The following RSPRY1 variants were observed in gnomAD, a reference collection of about 807,000 sequenced individuals.
RSPRY1 encodes the protein RING finger and SPRY domain-containing protein 1.
In RSPRY1, 23 loss-of-function variants were observed where a neutral mutation model predicts 73.1. The ratio of observed to expected loss-of-function variants is 0.31; its 90% CI spans 0.23 to 0.45. The LOEUF (loss-of-function observed/expected upper bound fraction) is 0.45, where lower values mean the gene tolerates loss of function less well. Among genes scored for constraint, RSPRY1 ranks in the 20% least tolerant of loss-of-function variants. The probability of loss-of-function intolerance (pLI) is 1.00; values close to 1 mark genes in which losing one functional copy is unlikely to be tolerated. For synonymous variants in RSPRY1, 226 were observed against 251.4 expected, an observed-to-expected ratio of 0.90 and a Z score of 0.95; for missense variants, 448 against 698.7, an observed-to-expected ratio of 0.64 and a Z score of 4.05.
chr16:57,216,761 G>C, intron 7 of RSPRY1, 143 bp from the exon 8 acceptor site: 1 of 774,706 alleles, frequency 1.3e-6, no homozygotes, highest in Non-Finnish European at 2.1e-6. Context: ...CTTTGGCTAT[G>C]TTTTCCCTAG....
At chr16:57,224,688 C>G (rs1315344996) in intron 10 of RSPRY1, among the ~76,000 whole-genome samples, 5 of 152,238 alleles carry the variant, frequency 3.3e-5, no homozygotes, top group African/African-American at 1.2e-4. Context: ...AAGTGCATCT[C>G]TGCTAGGCAG....
intron 1 of RSPRY1, chr16:57,186,872 A>T (rs1344003671): frequency 6.6e-6 from 1 of 152,300 alleles, no homozygotes; most frequent in Non-Finnish European, 1.5e-5. Flanking sequence ...TAGAAAGGGT[A>T]GATGAAGGGA....
intron 10 of RSPRY1, among the ~76,000 whole-genome samples, chr16:57,223,380 CT>C (rs1424841774): frequency 7.2e-5 from 11 of 152,214 alleles, no homozygotes; most frequent in African/African-American, 2.7e-4. Flanking sequence ...AAGGATAGTT[CT>C]GTTCAGGTAA....
chr16:57,206,570 T>C (rs2074729479), intron 2 of RSPRY1, among the ~76,000 whole-genome samples: 2 of 152,164 alleles, frequency 1.3e-5, no homozygotes, highest in African/African-American at 4.8e-5. Context: ...TTGTTTTGTT[T>C]TGTTTTTAAA....
chr16:57,195,500 G>A (rs2074424741), intron 1 of RSPRY1, among the ~76,000 whole-genome samples: 1 of 152,022 alleles, frequency 6.6e-6, no homozygotes, highest in Non-Finnish European at 1.5e-5. Flanking sequence ...CAATGAGAGT[G>A]GAACTCCGTC....
intron 10 of RSPRY1, among the ~76,000 whole-genome samples, chr16:57,226,432 A>G (rs1432273258): frequency 6.6e-6 from 1 of 152,190 alleles, no homozygotes; most frequent in Non-Finnish European, 1.5e-5. Context: ...AACTGAGTAT[A>G]CTTAGTTATT....
chr16:57,201,918 A>G (rs2074621322), intron 1 of RSPRY1, among the ~76,000 whole-genome samples: 2 of 152,314 alleles, frequency 1.3e-5, no homozygotes, highest in South Asian at 4.1e-4. Context: ...AGTACAGTCC[A>G]GCTTTGGCTT....
intron 11 of RSPRY1, among the ~76,000 whole-genome samples, chr16:57,228,972 A>G (rs2075164642): frequency 6.6e-6 from 1 of 152,246 alleles, no homozygotes; most frequent in Non-Finnish European, 1.5e-5. Context: ...TTGGGATTAC[A>G]GGCCTGAGCC....
chr16:57,228,272 C>CAAAAAAAAAAAAAAAAAAAAAAAAAA (rs34368338), intron 11 of RSPRY1, among the ~76,000 whole-genome samples: 2 of 72,092 alleles, frequency 2.8e-5, no homozygotes, highest in African/African-American at 5.3e-5. Flanking sequence ...GACTCCATCT[C>CAAAAAAAAAAAAAAAAAAAAAAAAAA]AAAAAAAAAA....
chr16:57,200,529 G>C (rs1194767172), intron 1 of RSPRY1, among the ~76,000 whole-genome samples: 4 of 141,956 alleles, frequency 2.8e-5, no homozygotes, highest in Middle Eastern at 4.1e-3. Flanking sequence ...CTGGCCGGGC[G>C]GGGGGCTGAC....
chr16:57,206,857 G>A (rs1471089765), intron 2 of RSPRY1, among the ~76,000 whole-genome samples: 19 of 152,160 alleles, frequency 1.2e-4, no homozygotes, highest in African/African-American at 4.6e-4. Flanking sequence ...GAGCCCCCAC[G>A]CTTGGCCCCT....
intron 14 of RSPRY1, among the ~76,000 whole-genome samples, chr16:57,235,766 T>C (rs1034346303): frequency 6.6e-5 from 10 of 152,178 alleles, no homozygotes; most frequent in African/African-American, 2.4e-4. Context: ...TGAGCAACAC[T>C]CAAGTTGATG....
At chr16:57,232,541 C>T (rs903907730) in intron 13 of RSPRY1, among the ~76,000 whole-genome samples, 19 of 152,200 alleles carry the variant, frequency 1.2e-4, no homozygotes, top group African/African-American at 4.1e-4. Context: ...TATCATACCC[C>T]GTTCTTTTTC....
rs764675550 is a variant in RSPRY1 at position 57,204,697 on chromosome 16, A to T, written c.39A>T (p.Arg13Ser). 6.2e-7 allele frequency: 1 copy of T among 1,614,192 alleles called. No individual in the cohort carries two copies. The highest frequency in any genetic ancestry group is 1.7e-5 in the Admixed American group (1 of 60,024). Reference protein sequence around the residue: ...VFGWAVFLASRSLGQGLLLTL... With the variant: ...VFGWAVFLASSSLGQGLLLTL... ...GTTGGGCCGTGTTCTTAGCGAGCAG[A>T]AGCCTTGGCCAGGGTCTGTTGTTGA... The change falls in exon 2 of 15, where the codon AGA becomes AGT. Residue 13 changes from arginine to serine, a missense_variant. Arg to Ser is a moderately radical substitution (Grantham distance 110). Transcript: ENST00000394420.
chr16:57,219,333 T>A (rs1414269591), intron 8 of RSPRY1, among the ~76,000 whole-genome samples: 2 of 152,206 alleles, frequency 1.3e-5, no homozygotes, highest in Non-Finnish European at 2.9e-5. Flanking sequence ...TTGTTGCCTG[T>A]TTTTTAGATA....
intron 1 of RSPRY1, among the ~76,000 whole-genome samples, chr16:57,201,446 C>T (rs1485656835): frequency 3.3e-5 from 5 of 150,066 alleles, no homozygotes; most frequent in Admixed American, 1.3e-4. Flanking sequence ...GGATGGCGGC[C>T]GGGCAGAGAC....
intron 1 of RSPRY1, among the ~76,000 whole-genome samples, chr16:57,189,593 C>CTTTTTTTTTT (rs544146883): frequency 6.4e-5 from 8 of 124,064 alleles, no homozygotes; most frequent in East Asian, 2.3e-4. Context: ...CTTTTCTTTT[C>CTTTTTTTTTT]TTTTTTTTTT....
At chr16:57,231,411 A>G in intron 13 of RSPRY1, 92 bp downstream of exon 13, 1 of 1,304,068 alleles carries the variant, frequency 7.7e-7, no homozygotes, top group Non-Finnish European at 1.0e-6. Context: ...AATATAACAA[A>G]TAAATTTTGA....
chr16:57,199,309 A>G (rs571537838), intron 1 of RSPRY1, among the ~76,000 whole-genome samples: 1 of 152,300 alleles, frequency 6.6e-6, no homozygotes, highest in African/African-American at 2.4e-5. Flanking sequence ...CCTGACCAAC[A>G]TGGTGAAGAT....
Sources: allele counts gnomAD v4.1 joint callset (sites outside exome capture counted in the v4.1 genomes callset), GRCh38; gene constraint gnomAD v4.1.1; transcripts MANE v1.5; gene names NCBI Gene and HGNC (gene_info 2026-07-23, HGNC 2026-07-21).